DGKG: variants seen among roughly 807,000 people sequenced by gnomAD.
DGKG encodes DAG kinase gamma.
Under a neutral mutation model 105.3 loss-of-function variants are expected in DGKG, and 78 were observed. The observed-to-expected ratio is 0.74, with a 90% confidence interval of 0.62 to 0.89. DGKG has a LOEUF of 0.89. Among genes scored for constraint, DGKG ranks in the 40% least tolerant of loss-of-function variants. The probability of loss-of-function intolerance (pLI) is 0.00; values close to 1 mark genes in which losing one functional copy is unlikely to be tolerated. For missense variants in DGKG, 958 were observed against 1,020.1 expected, an observed-to-expected ratio of 0.94 and a Z score of 0.83; for synonymous variants, 346 against 367.1, an observed-to-expected ratio of 0.94 and a Z score of 0.66.
intron 15 of DGKG, among the ~76,000 whole-genome samples, chr3:186,260,798 A>G (rs1004422054): frequency 1.1e-4 from 17 of 152,254 alleles, no homozygotes; most frequent in African/African-American, 4.1e-4. Context: ...AGAGAAACCC[A>G]GAGAACAGAA....
At chr3:186,220,372 G>A (rs1271525483) in intron 20 of DGKG, among the ~76,000 whole-genome samples, 2 of 152,086 alleles carry the variant, frequency 1.3e-5, no homozygotes, top group Non-Finnish European at 2.9e-5. Flanking sequence ...GCCTTCTCAC[G>A]GTACAGCTTA....
Position 186,299,841 on chromosome 3 carries a change from T to TTTCTTTCTTTCTCTTTCTTTCTTTC in DGKG, c.145-1613_145-1612insGAAAGAAAGAAAGAGAAAGAAAGAA, listed in dbSNP as rs1446531456. Among the ~76,000 whole-genome samples the TTTCTTTCTTTCTCTTTCTTTCTTTC allele has an allele frequency of 9.6e-4, 72 of 74,652 alleles. 2 individuals carry two copies. Among genetic ancestry groups the TTTCTTTCTTTCTCTTTCTTTCTTTC allele is most frequent in the African/African-American group, 1.9e-3 (32 of 17,080 alleles). 49.0% of individuals were successfully genotyped at this position (74,652 alleles called of 152,430 possible). A position where few individuals can be genotyped will look rare whatever the true frequency, so the allele number is the denominator to read the frequency against. On this transcript the variant is annotated intron_variant, in intron 3 of 24. Coordinates refer to ENST00000265022, the MANE Select transcript of DGKG (RefSeq NM_001346.3). Reference sequence around the variant, plus strand: ...TCTTTCTTTCTTTCTTTCTTTCTTTTTTTTTTTTTTTGAGATAGAGCCTTG... The same window carrying TTTCTTTCTTTCTCTTTCTTTCTTTC: ...TCTTTCTTTCTTTCTTTCTTTCTTTTTTCTTTCTTTCTCTTTCTTTCTTTCTTTTTTTTTTTGAGATAGAGCCTTG...
chr3:186,223,693 C>A (rs1578687742), intron 20 of DGKG, among the ~76,000 whole-genome samples: 1 of 152,196 alleles, frequency 6.6e-6, no homozygotes, highest in African/African-American at 2.4e-5. Flanking sequence ...CCAGCAAAAT[C>A]CTTTCTATTT....
intron 8 of DGKG, among the ~76,000 whole-genome samples, 197 bp downstream of exon 8, chr3:186,280,473 T>C (rs1265316617): frequency 6.6e-6 from 1 of 152,244 alleles, no homozygotes; most frequent in Non-Finnish European, 1.5e-5. Flanking sequence ...ATTTCAGTTA[T>C]GTCTGCACGT....
intron 1 of DGKG, among the ~76,000 whole-genome samples, chr3:186,338,109 G>A (rs1157169812): frequency 6.7e-6 from 1 of 148,558 alleles, no homozygotes; most frequent in Non-Finnish European, 1.5e-5. Context: ...GACAGAGGTT[G>A]TAGTGAGCCA....
At chr3:186,245,171 A>T (rs1244717700) in intron 19 of DGKG, among the ~76,000 whole-genome samples, 2 of 151,950 alleles carry the variant, frequency 1.3e-5, no homozygotes, top group African/African-American at 4.8e-5. Context: ...TGCAGTTCTG[A>T]TTGTCTTTGG....
chr3:186,170,190 A>C (rs1011468386), intron 22 of DGKG, among the ~76,000 whole-genome samples: 2 of 152,200 alleles, frequency 1.3e-5, no homozygotes, highest in Non-Finnish European at 2.9e-5. Context: ...CCCTATACCA[A>C]TTAAATCAGA....
At chr3:186,179,519 A>G (rs1717256091) in intron 22 of DGKG, among the ~76,000 whole-genome samples, 1 of 152,114 alleles carries the variant, frequency 6.6e-6, no homozygotes, top group South Asian at 2.1e-4. Flanking sequence ...TAATATCTAC[A>G]TTTCCTTATC....
chr3:186,211,235 A>G (rs1408538094), intron 21 of DGKG, among the ~76,000 whole-genome samples: 1 of 152,214 alleles, frequency 6.6e-6, no homozygotes, highest in Non-Finnish European at 1.5e-5. Context: ...ATAGGATGAA[A>G]TCAAGGGCCC....
intron 17 of DGKG, 167 bp downstream of exon 17, chr3:186,257,687 T>G: frequency 1.8e-6 from 1 of 571,330 alleles, no homozygotes; most frequent in Non-Finnish European, 3.1e-6. Context: ...ATTTCTTTTT[T>G]TTTTTTTTTT....
chr3:186,331,244 G>C (rs567161300), intron 1 of DGKG, among the ~76,000 whole-genome samples: 1 of 152,138 alleles, frequency 6.6e-6, no homozygotes, highest in Admixed American at 6.5e-5. Context: ...TGACAACAAC[G>C]GGGCCTTCCC....
intron 9 of DGKG, chr3:186,279,078 C>T (rs1722714969): frequency 6.6e-6 from 1 of 152,260 alleles, no homozygotes; most frequent in Non-Finnish European, 1.5e-5. Context: ...ATTTGCCTAA[C>T]ACACCCAGAA....
chr3:186,173,950 G>A (rs141471996), intron 22 of DGKG, among the ~76,000 whole-genome samples: 13 of 152,324 alleles, frequency 8.5e-5, no homozygotes, highest in African/African-American at 3.1e-4. Flanking sequence ...AGAATACTCT[G>A]TGATTAATGC....
chr3:186,214,359 C>T (rs187288439), intron 20 of DGKG, among the ~76,000 whole-genome samples: 2 of 152,298 alleles, frequency 1.3e-5, no homozygotes, highest in Admixed American at 1.3e-4. Flanking sequence ...CAGCAAAGCA[C>T]TTCACATAGG....
intron 21 of DGKG, among the ~76,000 whole-genome samples, chr3:186,188,772 T>C (rs1001669757): frequency 2.6e-5 from 4 of 152,088 alleles, no homozygotes; most frequent in African/African-American, 9.7e-5. Context: ...ACCTAACAAA[T>C]GACAGAAAAT....
At chr3:186,291,745 G>A (rs1387034930) in intron 5 of DGKG, among the ~76,000 whole-genome samples, 2 of 152,078 alleles carry the variant, frequency 1.3e-5, no homozygotes, top group Non-Finnish European at 2.9e-5. Context: ...AGGGTGGGCG[G>A]GTAAGGAGGG....
intron 23 of DGKG, among the ~76,000 whole-genome samples, chr3:186,163,395 G>A (rs1478965840): frequency 1.3e-5 from 2 of 152,124 alleles, no homozygotes; most frequent in Non-Finnish European, 2.9e-5. Flanking sequence ...GGAAGAAAAG[G>A]CAGGCTCTTT....
At chr3:186,160,445 A>G (rs1422963454) in intron 24 of DGKG, 1 of 985,310 alleles carries the variant, frequency 1.0e-6, no homozygotes, top group Middle Eastern at 5.2e-4. Context: ...TAACTCCAGC[A>G]AGGTGGAAAG....
At chr3:186,175,579 A>C (rs1385617594) in intron 22 of DGKG, among the ~76,000 whole-genome samples, 2 of 152,148 alleles carry the variant, frequency 1.3e-5, no homozygotes, top group African/African-American at 2.4e-5. Context: ...AGGGTCTGAC[A>C]GGAGCCTGCC....
Sources: gnomAD v4.1 joint callset for allele counts (sites outside exome capture counted in the v4.1 genomes callset) on GRCh38, gnomAD v4.1.1 for gene constraint, MANE v1.5 for transcripts, NCBI Gene and HGNC (gene_info 2026-07-23, HGNC 2026-07-21) for gene names.